The following GFM2 variants were observed in gnomAD, a reference collection of about 807,000 sequenced individuals.
The protein encoded by GFM2 is GTP dependent ribosome recycling factor mitochondrial 2.
Under a neutral mutation model 95.4 loss-of-function variants are expected in GFM2, and 72 were observed. That is an observed-to-expected ratio of 0.76 (90% confidence interval 0.62 to 0.92). The LOEUF (loss-of-function observed/expected upper bound fraction) is 0.92, where lower values mean the gene tolerates loss of function less well. GFM2 is among the 40% of genes least tolerant of loss of function. GFM2 has a pLI of 0.00. For synonymous variants in GFM2, 276 were observed against 317.5 expected (o/e 0.87, Z 1.39); for missense variants, 825 against 924.1 (o/e 0.89, Z 1.39).
chr5:74,723,632 C>T (rs974250329), intron 19 of GFM2, among the ~76,000 whole-genome samples: 1 of 152,148 alleles, frequency 6.6e-6, no homozygotes, highest in African/African-American at 2.4e-5. Context: ...ATTCTCAGAA[C>T]AAAGTTCAAA....
In GFM2 at chr5:74,727,975, G is replaced by A. The variant is rs144835814; in HGVS notation, c.1727-1849C>T. Among the ~76,000 whole-genome samples, 99 of 152,138 alleles carry A rather than the reference G, an allele frequency of 6.5e-4. 1 individual carries two copies. The East Asian group carries it at 0.017, about 26-fold the overall frequency. ...ATTTCTCCTGTCCAGCTGAAACTCC[G>A]TACCCCACTTCATCAACATCTCTCC... On this transcript the variant is annotated intron_variant, in intron 17 of 20. Transcript: ENST00000296805.
At chr5:74,763,373 G>T (rs1744380870) in intron 2 of GFM2, among the ~76,000 whole-genome samples, 1 of 152,182 alleles carries the variant, frequency 6.6e-6, no homozygotes, top group Non-Finnish European at 1.5e-5. Flanking sequence ...GTTTAAAGAT[G>T]TGCATTAAGT....
At chr5:74,756,023 G>T (rs977409625) in intron 5 of GFM2, among the ~76,000 whole-genome samples, 1 of 152,102 alleles carries the variant, frequency 6.6e-6, no homozygotes, top group Non-Finnish European at 1.5e-5. Context: ...GATCAAGTAG[G>T]TTTCATACCA....
intron 19 of GFM2, chr5:74,722,797 G>A (rs1749973064): frequency 2.5e-6 from 1 of 406,606 alleles, no homozygotes; most frequent in East Asian, 4.5e-5. Context: ...CTGTGAACAT[G>A]TGGTCAGAGT....
At position 74,751,392 on chromosome 5, in the gene GFM2, T is replaced by G. The variant is rs778170012; in HGVS notation, c.406A>C (p.Arg136=). 5 of 1,613,102 alleles carry G rather than the reference T, an allele frequency of 3.1e-6. No homozygotes were observed. The highest frequency in any genetic ancestry group is 4.2e-6 in the Non-Finnish European group (5 of 1,179,100). Residue 136 remains arginine (R), a synonymous_variant, in exon 6 of 21, where the codon AGA becomes CGA. Transcript: ENST00000296805. ...CCTGGTGTATCAATTAGATTGACTCTATAACCTTTCCAATCAAATGTAACA... is the reference window on the plus strand; with the variant it reads ...CCTGGTGTATCAATTAGATTGACTCGATAACCTTTCCAATCAAATGTAACA... ...AAVTFDWKGY[R]VNLIDTPGHV...
chr5:74,752,727 T>C (rs965728708), intron 5 of GFM2, among the ~76,000 whole-genome samples: 1 of 152,252 alleles, frequency 6.6e-6, no homozygotes, highest in Non-Finnish European at 1.5e-5. Flanking sequence ...ATCAGCAAGT[T>C]CTACAACAAC....
chr5:74,725,513 G>T, intron 19 of GFM2, 127 bp downstream of exon 19: 1 of 566,712 alleles, frequency 1.8e-6, no homozygotes, highest in East Asian at 2.8e-5. Context: ...AAGAACTCTT[G>T]TTGACCACAA....
intron 1 of GFM2, chr5:74,765,145 A>C: frequency 8.6e-7 from 1 of 1,160,920 alleles, no homozygotes; most frequent in South Asian, 1.7e-5. Context: ...GTCTCTCCAC[A>C]GTTGTGACTG....
At chr5:74,726,553 G>A (rs1197879645) in intron 17 of GFM2, among the ~76,000 whole-genome samples, 2 of 152,036 alleles carry the variant, frequency 1.3e-5, no homozygotes, top group East Asian at 1.9e-4. Flanking sequence ...CCCACAAAAT[G>A]TTTTATATTG....
Position 74,721,319 on chromosome 5 carries a change from G to A in GFM2, c.*336C>T, listed in dbSNP as rs1164691. On this transcript the variant is annotated 3_prime_UTR_variant, in exon 21 of 21. Coordinates refer to ENST00000296805, the MANE Select transcript of GFM2 (RefSeq NM_032380.5). ...GACCCTCTATCTTATTACATTTAGAGGCCTGGCATCTTTCTTGTGAGACAA... is the reference window on the plus strand; with the variant it reads ...GACCCTCTATCTTATTACATTTAGAAGCCTGGCATCTTTCTTGTGAGACAA... 53 of 795,888 alleles carry A rather than the reference G, an allele frequency of 6.7e-5. No individual in the cohort carries two copies. Among genetic ancestry groups the A allele is most frequent in the Non-Finnish European group, 1.0e-4 (47 of 458,932 alleles). The allele number at this position is 795,888 out of a possible 1,614,324, so 49.3% of individuals were successfully genotyped here.
At chr5:74,755,039 T>C (rs1259826874) in intron 5 of GFM2, among the ~76,000 whole-genome samples, 1 of 152,136 alleles carries the variant, frequency 6.6e-6, no homozygotes, top group Admixed American at 6.6e-5. Context: ...GAGGTTGCAA[T>C]GAGCCAAGAT....
At chr5:74,753,962 A>G (rs947054858) in intron 5 of GFM2, among the ~76,000 whole-genome samples, 1 of 148,642 alleles carries the variant, frequency 6.7e-6, no homozygotes, top group East Asian at 2.0e-4. Flanking sequence ...GAGTGTGGGG[A>G]AAAAACATCA....
At chr5:74,724,106 C>T (rs545837834) in intron 19 of GFM2, among the ~76,000 whole-genome samples, 2 of 152,114 alleles carry the variant, frequency 1.3e-5, no homozygotes, top group Admixed American at 6.6e-5. Context: ...TTTGAAGTAA[C>T]GAATTAACAC....
At chr5:74,748,930 A>AT (rs1430936939) in intron 7 of GFM2, among the ~76,000 whole-genome samples, 1 of 146,592 alleles carries the variant, frequency 6.8e-6, no homozygotes, top group Non-Finnish European at 1.5e-5. Context: ...AAAAAAATAA[A>AT]AAAAATAAAA....
At chr5:74,734,616 TACTC>T (rs1339802877) in intron 15 of GFM2, among the ~76,000 whole-genome samples, 2 of 152,204 alleles carry the variant, frequency 1.3e-5, no homozygotes, top group Admixed American at 1.3e-4. Flanking sequence ...CACATACAGA[TACTC>T]AAACAGAGTA....
At chr5:74,752,051 G>A (rs1580008359) in intron 5 of GFM2, among the ~76,000 whole-genome samples, 1 of 152,070 alleles carries the variant, frequency 6.6e-6, no homozygotes, top group African/African-American at 2.4e-5. Context: ...CACGGAATGA[G>A]GTAGAGAAAA....
Position 74,728,016 on chromosome 5 carries a change from A to C in GFM2, c.1727-1890T>G, listed in dbSNP as rs186049932. ...ACATCTCTCCTTTCCCCAGCTTTCCAATCCTCAGCCTCTGGTAGCCATCAT... is the reference window on the plus strand; with the variant it reads ...ACATCTCTCCTTTCCCCAGCTTTCCCATCCTCAGCCTCTGGTAGCCATCAT... On this transcript the variant is annotated intron_variant, in intron 17 of 20. Coordinates refer to ENST00000296805, the MANE Select transcript of GFM2 (RefSeq NM_032380.5). 4.6e-5 allele frequency among the ~76,000 whole-genome samples: 7 copies of C among 152,216 alleles called. No homozygotes were observed. In the East Asian group the frequency reaches 1.4e-3, roughly 29 times the overall value.
chr5:74,732,131 T>TA (rs1349242122), intron 16 of GFM2, among the ~76,000 whole-genome samples: 2 of 144,724 alleles, frequency 1.4e-5, no homozygotes, highest in Non-Finnish European at 3.0e-5. Flanking sequence ...ATTTTTAATT[T>TA]TTTTTTTTTT....
intron 19 of GFM2, 28 bp downstream of exon 19, chr5:74,725,612 A>T: frequency 6.9e-7 from 1 of 1,449,904 alleles, no homozygotes; most frequent in Non-Finnish European, 9.7e-7. Flanking sequence ...GTCACCTTAA[A>T]GCCATAAGGA....
Sources: allele counts gnomAD v4.1 joint callset (sites outside exome capture counted in the v4.1 genomes callset), GRCh38; gene constraint gnomAD v4.1.1; transcripts MANE v1.5; gene names NCBI Gene and HGNC (gene_info 2026-07-23, HGNC 2026-07-21).